AUTS2: variants seen among roughly 807,000 people sequenced by gnomAD.
The protein encoded by AUTS2 is autism susceptibility gene 2 protein.
AUTS2 carries 17 observed loss-of-function variants against 112.4 expected under a neutral mutation model. The observed-to-expected ratio is 0.15, with a 90% confidence interval of 0.10 to 0.23. The LOEUF (loss-of-function observed/expected upper bound fraction) is 0.23, where lower values mean the gene tolerates loss of function less well. AUTS2 is among the 10% of genes least tolerant of loss of function. The probability of loss-of-function intolerance (pLI) is 1.00; values close to 1 mark genes in which losing one functional copy is unlikely to be tolerated. For synonymous variants in AUTS2, 751 were observed against 702.7 expected, an observed-to-expected ratio of 1.07 and a Z score of -1.09; for missense variants, 1,510 against 1,701.6, an observed-to-expected ratio of 0.89 and a Z score of 1.98.
intron 4 of AUTS2, among the ~76,000 whole-genome samples, chr7:70,154,838 G>T (rs980942687): frequency 1.3e-5 from 2 of 152,130 alleles, no homozygotes; most frequent in Admixed American, 6.5e-5. Context: ...GGCTATGGTT[G>T]GTTGGGTGCT....
At chr7:69,924,491 T>A (rs1325552692) in intron 2 of AUTS2, among the ~76,000 whole-genome samples, 4 of 151,788 alleles carry the variant, frequency 2.6e-5, no homozygotes, top group Admixed American at 1.3e-4. Context: ...CTTAGAAGAG[T>A]TTGTGTAGAA....
chr7:69,861,658 G>T (rs1247266193), intron 1 of AUTS2, among the ~76,000 whole-genome samples: 1 of 152,186 alleles, frequency 6.6e-6, no homozygotes, highest in Non-Finnish European at 1.5e-5. Flanking sequence ...AAGTACTAAG[G>T]ATTGTTTTCT....
intron 1 of AUTS2, among the ~76,000 whole-genome samples, chr7:69,617,599 C>T (rs141882953): frequency 4.8e-4 from 73 of 152,266 alleles, no homozygotes; most frequent in African/African-American, 1.5e-3. Context: ...TTAGAAACAG[C>T]AGAAAGCAAC....
At chr7:70,533,810 G>A (rs1179401706) in intron 5 of AUTS2, among the ~76,000 whole-genome samples, 1 of 152,182 alleles carries the variant, frequency 6.6e-6, no homozygotes, top group Non-Finnish European at 1.5e-5. Flanking sequence ...GCAAGTAATG[G>A]CTGCTGTGTC....
intron 2 of AUTS2, among the ~76,000 whole-genome samples, chr7:69,926,616 A>G (rs972873079): frequency 5.3e-5 from 8 of 151,482 alleles, no homozygotes; most frequent in Non-Finnish European, 1.2e-4. Context: ...GTTTTTTGTT[A>G]GTCGCATTTT....
intron 1 of AUTS2, among the ~76,000 whole-genome samples, chr7:69,836,189 C>G (rs1404499293): frequency 6.6e-6 from 1 of 152,150 alleles, no homozygotes; most frequent in Non-Finnish European, 1.5e-5. Context: ...CTAACATTTT[C>G]TTCAGCTTAG....
chr7:70,173,102 C>T (rs908122218), intron 4 of AUTS2, among the ~76,000 whole-genome samples: 10 of 151,996 alleles, frequency 6.6e-5, no homozygotes, highest in African/African-American at 1.9e-4. Flanking sequence ...TGGGGAACTT[C>T]GCACAGTGGC....
At position 69,881,334 on chromosome 7, in the gene AUTS2, T is replaced by C. The variant is rs990269890; in HGVS notation, c.310-17952T>C. Among the ~76,000 whole-genome samples the C allele has an allele frequency of 2.0e-5, 3 of 151,746 alleles. No individual in the cohort carries two copies. The East Asian group carries it at 5.8e-4, about 29-fold the overall frequency. On this transcript the variant is annotated intron_variant, in intron 1 of 18. Transcript: ENST00000342771. Reference sequence around the variant, plus strand: ...CCTTGTGTGGGAAGATTTTTGATGTTACATTGAGGTGTTCCCTAAAAGAAT... The same window carrying C: ...CCTTGTGTGGGAAGATTTTTGATGTCACATTGAGGTGTTCCCTAAAAGAAT...
In AUTS2 at chr7:70,185,257, CTTTTT is replaced by C. The variant is rs35215443; in HGVS notation, c.660+50709_660+50713del. Among the ~76,000 whole-genome samples, 211 of 87,116 alleles carry C rather than the reference CTTTTT, an allele frequency of 2.4e-3. 5 individuals are homozygous for C. Among genetic ancestry groups the C allele is most frequent in the African/African-American group, 7.3e-3 (161 of 21,910 alleles). 57.2% of individuals were successfully genotyped at this position (87,116 alleles called of 152,430 possible). A position where few individuals can be genotyped will look rare whatever the true frequency, so the allele number is the denominator to read the frequency against. On this transcript the variant is annotated intron_variant, in intron 4 of 18. Transcript: ENST00000342771. ...TGCTTTGGGCCTAAATGACATTAAA[CTTTTT>C]TTTTTTTTTTTTTTTTTTTTTTAAG...
chr7:69,900,284 A>G (rs1008974663), intron 2 of AUTS2, among the ~76,000 whole-genome samples: 6 of 152,168 alleles, frequency 3.9e-5, no homozygotes, highest in African/African-American at 1.4e-4. Context: ...GGTGTGTTTT[A>G]TTTATTTTTG....
intron 4 of AUTS2, among the ~76,000 whole-genome samples, chr7:70,408,096 G>A (rs529519183): frequency 3.3e-5 from 5 of 150,284 alleles, no homozygotes; most frequent in Non-Finnish European, 3.0e-5. Flanking sequence ...TGGGAGGATC[G>A]CTTGAGCCCA....
intron 1 of AUTS2, among the ~76,000 whole-genome samples, chr7:69,613,404 C>T (rs977350938): frequency 1.3e-5 from 2 of 152,118 alleles, no homozygotes; most frequent in African/African-American, 2.4e-5. Context: ...GTAACATATT[C>T]GTTGTTGTTT....
intron 2 of AUTS2, among the ~76,000 whole-genome samples, chr7:70,076,177 T>C (rs953415355): frequency 6.6e-6 from 1 of 152,180 alleles, no homozygotes; most frequent in African/African-American, 2.4e-5. Context: ...AAATACTTTC[T>C]CTTTTTTTGG....
At chr7:70,217,596 G>C (rs1031964918) in intron 4 of AUTS2, among the ~76,000 whole-genome samples, 2 of 152,170 alleles carry the variant, frequency 1.3e-5, no homozygotes, top group African/African-American at 4.8e-5. Flanking sequence ...AGGTATATTT[G>C]CTCAAGATTT....
At chr7:70,642,072 A>T (rs1805863471) in intron 5 of AUTS2, among the ~76,000 whole-genome samples, 1 of 152,200 alleles carries the variant, frequency 6.6e-6, no homozygotes, top group African/African-American at 2.4e-5. Flanking sequence ...TGTAAGTTCT[A>T]ATTTCCAGAT....
At position 69,599,988 on chromosome 7, in the gene AUTS2, G is replaced by C; in HGVS notation, c.309+26G>C. The C allele has an allele frequency of 1.2e-6, 2 of 1,611,910 alleles. No homozygotes were observed. The highest frequency in any genetic ancestry group is 1.7e-6 in the Non-Finnish European group (2 of 1,179,138). On this transcript the variant is annotated intron_variant, in intron 1 of 18. Coordinates refer to ENST00000342771, the MANE Select transcript of AUTS2 (RefSeq NM_015570.4). The surrounding 1 kb of genome is among the most constrained non-coding windows in gnomAD (Gnocchi z 7.0). ...GTAAGGGGGACCCCCCTTCCCCCGGGTTCCCTTTATGCACGACCCCACTCG... is the reference window on the plus strand; with the variant it reads ...GTAAGGGGGACCCCCCTTCCCCCGGCTTCCCTTTATGCACGACCCCACTCG...
At chr7:69,677,740 A>C (rs1357725156) in intron 1 of AUTS2, among the ~76,000 whole-genome samples, 1 of 152,294 alleles carries the variant, frequency 6.6e-6, no homozygotes, top group African/African-American at 2.4e-5. Context: ...CTCTAGGTTA[A>C]ATGTACTAGG....
chr7:70,619,906 G>C (rs958662917), intron 5 of AUTS2, among the ~76,000 whole-genome samples: 1 of 152,160 alleles, frequency 6.6e-6, no homozygotes, highest in African/African-American at 2.4e-5. Context: ...CCCATTCACT[G>C]TTCAGGTACT....
chr7:70,009,552 A>G (rs1799702552), intron 2 of AUTS2, among the ~76,000 whole-genome samples: 1 of 152,228 alleles, frequency 6.6e-6, no homozygotes, highest in Non-Finnish European at 1.5e-5. Flanking sequence ...TTTTATTTAA[A>G]GCACTGAAGT....
Sources: gnomAD v4.1 joint callset for allele counts (sites outside exome capture counted in the v4.1 genomes callset) on GRCh38, gnomAD v4.1.1 for gene constraint, Gnocchi (gnomAD v3.1) non-coding constraint, MANE v1.5 for transcripts, NCBI Gene and HGNC (gene_info 2026-07-23, HGNC 2026-07-21) for gene names.